DARS1: variants seen among roughly 807,000 people sequenced by gnomAD.
DARS1 encodes aspartyl-tRNA synthetase 1.
A neutral mutation model predicts 68.8 loss-of-function variants in DARS1; 51 were observed. The ratio of observed to expected loss-of-function variants is 0.74; its 90% CI spans 0.59 to 0.94. The LOEUF is 0.94. Among genes scored for constraint, DARS1 ranks in the 40% least tolerant of loss-of-function variants. The probability of loss-of-function intolerance (pLI) is 0.00; values close to 1 mark genes in which losing one functional copy is unlikely to be tolerated. For synonymous variants in DARS1, 203 were observed against 190.4 expected, an observed-to-expected ratio of 1.07 and a Z score of -0.55; for missense variants, 607 against 597.3, an observed-to-expected ratio of 1.02 and a Z score of -0.17.
At chr2:135,940,377 TCC>T (rs1681569251) in intron 5 of DARS1, among the ~76,000 whole-genome samples, 1 of 152,064 alleles carries the variant, frequency 6.6e-6, no homozygotes, top group Non-Finnish European at 1.5e-5. Flanking sequence ...ATAAACGTAA[TCC>T]AGCATATAAA....
chr2:135,964,425 T>C (rs13404551), intron 3 of DARS1, among the ~76,000 whole-genome samples: 70,792 of 151,958 alleles, frequency 0.47, 19,304 homozygotes, highest in Middle Eastern at 0.78. Context: ...TTTGGCCAAG[T>C]TCAAAATTAA....
At chr2:135,974,478 A>T (rs549072471) in intron 3 of DARS1, among the ~76,000 whole-genome samples, 18 of 152,330 alleles carry the variant, frequency 1.2e-4, no homozygotes, top group Admixed American at 7.8e-4. Context: ...TTATATTTTG[A>T]AGGGAAGAAA....
intron 4 of DARS1, among the ~76,000 whole-genome samples, chr2:135,957,647 C>A (rs1297297552): frequency 6.6e-6 from 1 of 152,198 alleles, no homozygotes; most frequent in African/African-American, 2.4e-5. Context: ...CAGGCATGAG[C>A]CACCATGCCC....
chr2:135,912,576 G>A lies in DARS1; in HGVS notation c.1150-10C>T. 1 of 787,344 alleles carries A rather than the reference G, an allele frequency of 1.3e-6. No individual in the cohort carries two copies. The highest frequency in any genetic ancestry group is 1.6e-5 in the South Asian group (1 of 60,622). The allele number at this position is 787,344 out of a possible 1,614,324, so 48.8% of individuals were successfully genotyped here. A position where few individuals can be genotyped will look rare whatever the true frequency, so the allele number is the denominator to read the frequency against. ...AAAAATCTGTATCATACTATAAAAA[G>A]AATAAATGCAATTAAAATACATTTT... On this transcript the variant is annotated splice_polypyrimidine_tract_variant and intron_variant, in intron 12 of 15. Coordinates refer to ENST00000264161, the MANE Select transcript of DARS1 (RefSeq NM_001349.4).
chr2:135,959,391 CAAAAAAAAAAAAAAAAAAAAAAA>C (rs66527494), intron 4 of DARS1, among the ~76,000 whole-genome samples: 21 of 15,012 alleles, frequency 1.4e-3, no homozygotes, highest in Admixed American at 4.5e-3. Flanking sequence ...AACTCCGTCT[CAAAAAAAAAAAAAAAAAAAAAAA>C]AAAAAAAAAA....
intron 10 of DARS1, 65 bp from the exon 11 acceptor site, chr2:135,916,437 T>G (rs1412451635): frequency 9.3e-6 from 8 of 862,330 alleles, no homozygotes; most frequent in Non-Finnish European, 1.3e-5. Context: ...AAGAGGTCAC[T>G]GTGGCAATAT....
intron 4 of DARS1, among the ~76,000 whole-genome samples, chr2:135,955,379 A>G (rs1438052574): frequency 6.6e-6 from 1 of 152,130 alleles, no homozygotes; most frequent in East Asian, 1.9e-4. Flanking sequence ...GATCTACATA[A>G]CCACCCACAT....
chr2:135,938,563 G>A (rs1319529004), intron 5 of DARS1, among the ~76,000 whole-genome samples: 1 of 152,182 alleles, frequency 6.6e-6, no homozygotes, highest in Non-Finnish European at 1.5e-5. Context: ...TGGAGGATAA[G>A]AGGCACTCTG....
chr2:135,979,391 A>G (rs1682572977), intron 2 of DARS1, 25 bp from the exon 3 acceptor site: 2 of 890,436 alleles, frequency 2.2e-6, no homozygotes, highest in East Asian at 2.4e-5. Flanking sequence ...AACGATTTTT[A>G]TATAGTAAAA....
At chr2:135,947,367 C>A (rs1300084847) in intron 4 of DARS1, among the ~76,000 whole-genome samples, 3 of 149,764 alleles carry the variant, frequency 2.0e-5, no homozygotes, top group African/African-American at 7.4e-5. Flanking sequence ...GAGATCGTGC[C>A]ACTGCACTCC....
Position 135,916,207 on chromosome 2 carries a change from A to C in DARS1, c.1106+19T>G, listed in dbSNP as rs768647639. Reference sequence around the variant, plus strand: ...TGGATCCTGGAACTTAAAGTAAAAAAAAAGCCACAAAGACAAACCTCAGAT... The same window carrying C: ...TGGATCCTGGAACTTAAAGTAAAAACAAAGCCACAAAGACAAACCTCAGAT... On this transcript the variant is annotated intron_variant, in intron 11 of 15. Coordinates refer to ENST00000264161, the MANE Select transcript of DARS1 (RefSeq NM_001349.4). 6.6e-7 allele frequency: 1 copy of C among 1,519,140 alleles called. No homozygotes were observed. Among genetic ancestry groups the C allele is most frequent in the Non-Finnish European group, 9.1e-7 (1 of 1,098,408 alleles). The allele number at this position is 1,519,140 out of a possible 1,614,324, so 94.1% of individuals were successfully genotyped here.
chr2:135,919,364 T>G (rs80160510), intron 10 of DARS1, among the ~76,000 whole-genome samples: 3 of 152,184 alleles, frequency 2.0e-5, no homozygotes, highest in Non-Finnish European at 2.9e-5. Context: ...TCATTAGCCC[T>G]GCAATGCAGT....
In DARS1 at chr2:135,973,210, C is replaced by T. The variant is rs551687813; in HGVS notation, c.217+6064G>A. Among the ~76,000 whole-genome samples the T allele has an allele frequency of 1.6e-3, 237 of 152,160 alleles. 2 individuals are homozygous for T. The highest frequency in any genetic ancestry group is 5.3e-3 in the African/African-American group (220 of 41,540). ...CAGATGAATGGATAAAGAAAATGTG[C>T]TACATATACACAATGGAGTACTATC... On this transcript the variant is annotated intron_variant, in intron 3 of 15. Transcript: ENST00000264161.
chr2:135,950,049 T>C (rs533568851), intron 4 of DARS1, among the ~76,000 whole-genome samples: 1 of 152,230 alleles, frequency 6.6e-6, no homozygotes, highest in Non-Finnish European at 1.5e-5. Context: ...TCTGATTTGA[T>C]ATTTTTAATA....
At chr2:135,961,311 T>C in intron 4 of DARS1, 85 bp downstream of exon 4, 1 of 752,894 alleles carries the variant, frequency 1.3e-6, no homozygotes, top group Non-Finnish European at 2.4e-6. Context: ...GCATTGATGT[T>C]AATGTATGAA....
rs759799946 is a variant in DARS1, at chr2:135,911,185, A to G, written c.1368T>C (p.Ile456=). The G allele has an allele frequency of 1.9e-6, 3 of 1,545,102 alleles. No individual in the cohort carries two copies. Among genetic ancestry groups the G allele is most frequent in the Non-Finnish European group, 2.7e-6 (3 of 1,117,652 alleles). ...GAGGGGCTCCAAAGCGGAAGGAATC[A>G]ATGTAAGCCTTAATTTTCTCCAAAT... is the stretch of plus-strand genomic sequence containing the variant. ...GIDLEKIKAY[I]DSFRFGAPPH... Residue 456 remains isoleucine (I), a synonymous_variant, in exon 15 of 16, where the codon ATT becomes ATC. Coordinates refer to ENST00000264161, the MANE Select transcript of DARS1 (RefSeq NM_001349.4).
chr2:135,951,499 A>C (rs1262708532), intron 4 of DARS1, among the ~76,000 whole-genome samples: 1 of 152,238 alleles, frequency 6.6e-6, no homozygotes, highest in African/African-American at 2.4e-5. Context: ...CCCTGTTGTC[A>C]CTTTCAAGAG....
At chr2:135,945,556 TC>T (rs1167443241) in intron 4 of DARS1, among the ~76,000 whole-genome samples, 1 of 152,192 alleles carries the variant, frequency 6.6e-6, no homozygotes, top group Non-Finnish European at 1.5e-5. Flanking sequence ...AATTCCCTCT[TC>T]TTTCTCATTC....
chr2:135,935,362 C>T (rs1681444518), intron 5 of DARS1, among the ~76,000 whole-genome samples: 2 of 151,728 alleles, frequency 1.3e-5, no homozygotes, highest in South Asian at 2.1e-4. Context: ...TTTGGGAGGC[C>T]GAGGCAGGCG....
Sources: allele counts gnomAD v4.1 joint callset (sites outside exome capture counted in the v4.1 genomes callset), GRCh38; gene constraint gnomAD v4.1.1; transcripts MANE v1.5; gene names NCBI Gene and HGNC (gene_info 2026-07-23, HGNC 2026-07-21).